Variants in JAKMIP3 observed in about 807,000 individuals in gnomAD.
JAKMIP3 encodes Janus kinase and microtubule interacting protein 3, also known as janus kinase and microtubule-interacting protein 3.
A neutral mutation model predicts 118.5 loss-of-function variants in JAKMIP3; 58 were observed. The ratio of observed to expected loss-of-function variants is 0.49; its 90% CI spans 0.40 to 0.61. JAKMIP3 has a LOEUF of 0.61. Ranked by LOEUF, JAKMIP3 falls within the 20% of genes least tolerant of loss-of-function variation. The pLI is 0.00. For synonymous variants in JAKMIP3, 486 were observed against 451.2 expected (o/e 1.08, Z -0.98); for missense variants, 950 against 1,109.0 (o/e 0.86, Z 2.04).
Position 132,179,374 on chromosome 10 carries a change from C to T in JAKMIP3, c.*1104-2983C>T, listed in dbSNP as rs562533615. Among the ~76,000 whole-genome samples the T allele has an allele frequency of 2.0e-5, 3 of 152,282 alleles. No individual in the cohort carries two copies. The South Asian group carries it at 6.2e-4, about 32-fold the overall frequency. On this transcript the variant is annotated intron_variant, in intron 23 of 23. Transcript: ENST00000684848. This position sits in a 1 kb window ranked among gnomAD's most constrained non-coding sequence, Gnocchi z 4.3. ...CTATGCCTGAGCTCCCCACATCCTA[C>T]CTCTCTCCTGTCACTCGAAGCTCAG... is the stretch of plus-strand genomic sequence containing the variant.
intron 9 of JAKMIP3, among the ~76,000 whole-genome samples, 156 bp downstream of exon 9, chr10:132,138,334 G>C (rs1425175974): frequency 6.9e-6 from 1 of 145,568 alleles, no homozygotes. Flanking sequence ...GCGCCCACGT[G>C]TGTGGAGAGT....
At chr10:132,039,907 GA>G (rs2037667149) in intron 1 of JAKMIP3, among the ~76,000 whole-genome samples, 1 of 152,246 alleles carries the variant, frequency 6.6e-6, no homozygotes, top group African/African-American at 2.4e-5. Context: ...TCTTTGCCAT[GA>G]CACTAAGCAC....
In JAKMIP3 at chr10:132,142,920, G is replaced by A. The variant is rs112522677; in HGVS notation, c.1602+872G>A. Among the ~76,000 whole-genome samples, 474 of 152,164 alleles carry A rather than the reference G, an allele frequency of 3.1e-3. 3 individuals carry two copies. The highest frequency in any genetic ancestry group is 0.011 in the African/African-American group (452 of 41,582). On this transcript the variant is annotated intron_variant, in intron 11 of 23. Coordinates refer to ENST00000684848, the MANE Select transcript of JAKMIP3 (RefSeq NM_001323087.2). ...GCAACTTAGGGTGGCTGAGCTGGGT[G>A]GGGGACGGACCTCTTGGGGCGAGGG...
intron 1 of JAKMIP3, among the ~76,000 whole-genome samples, chr10:132,047,824 C>T (rs1222352233): frequency 6.6e-6 from 1 of 150,994 alleles, no homozygotes; most frequent in Non-Finnish European, 1.5e-5. Context: ...TGTGTGTCCC[C>T]CCACCCCGCC....
intron 21 of JAKMIP3, among the ~76,000 whole-genome samples, chr10:132,166,726 C>T (rs997149966): frequency 6.6e-6 from 1 of 152,132 alleles, no homozygotes; most frequent in Admixed American, 6.5e-5. Flanking sequence ...GGGTGTGGGG[C>T]CCCTGACCAG....
chr10:132,137,375 C>T (rs755583987), intron 8 of JAKMIP3, 86 bp downstream of exon 8: 17 of 1,524,944 alleles, frequency 1.1e-5, no homozygotes, highest in Non-Finnish European at 1.5e-5. Flanking sequence ...GGGCTCCTCA[C>T]AGACCAGACA....
Position 132,153,043 on chromosome 10 carries a change from C to T in JAKMIP3, c.2073+20C>T. ...GAAAAGGTAACAGCAGCTGTGTGGA[C>T]AGTCGGGAGAGGGCCGGGCTCCTGG... On this transcript the variant is annotated intron_variant, in intron 17 of 23. Coordinates refer to ENST00000684848, the MANE Select transcript of JAKMIP3 (RefSeq NM_001323087.2). The T allele has an allele frequency of 1.3e-6, 2 of 1,595,576 alleles. No individual in the cohort carries two copies. The highest frequency in any genetic ancestry group is 1.7e-6 in the Non-Finnish European group (2 of 1,169,610).
chr10:132,106,459 C>A (rs1469750749), intron 2 of JAKMIP3, among the ~76,000 whole-genome samples: 1 of 152,180 alleles, frequency 6.6e-6, no homozygotes, highest in Non-Finnish European at 1.5e-5. Context: ...CCCCGTTCCT[C>A]CCCCTCCTGC....
chr10:132,087,863 G>T (rs12248221), intron 1 of JAKMIP3, among the ~76,000 whole-genome samples: 2,891 of 151,454 alleles, frequency 0.019, 87 homozygotes, highest in African/African-American at 0.066. Context: ...CCCACTCCCC[G>T]CACCCCATGA....
intron 1 of JAKMIP3, among the ~76,000 whole-genome samples, chr10:132,050,201 G>A (rs2038058593): frequency 6.6e-6 from 1 of 152,140 alleles, no homozygotes; most frequent in Non-Finnish European, 1.5e-5. Context: ...CTCTGAGCCG[G>A]GTTTGCCTCT....
In JAKMIP3 at chr10:132,160,083, GGGTCTCTTCCTGTGT is replaced by G. The variant is rs2057902119; in HGVS notation, c.2221-3124_2221-3110del. Among the ~76,000 whole-genome samples the G allele has an allele frequency of 2.5e-3, 18 of 7,134 alleles. 2 individuals are homozygous for G. The highest frequency in any genetic ancestry group is 4.0e-3 in the Non-Finnish European group (17 of 4,302). 4.7% of individuals were successfully genotyped at this position (7,134 alleles called of 152,430 possible). A position where few individuals can be genotyped will look rare whatever the true frequency, so the allele number is the denominator to read the frequency against. On this transcript the variant is annotated intron_variant, in intron 19 of 23. Transcript: ENST00000684848. Reference sequence around the variant, plus strand: ...GGCCTCTTCCTGTGTGATGCTGGGGGGGTCTCTTCCTGTGTGATGCAGGCGGTGGCCTCTTCCTGT... The same window carrying G: ...GGCCTCTTCCTGTGTGATGCTGGGGGGATGCAGGCGGTGGCCTCTTCCTGT...
intron 3 of JAKMIP3, among the ~76,000 whole-genome samples, chr10:132,122,328 T>C (rs1420611993): frequency 6.6e-6 from 1 of 152,152 alleles, no homozygotes; most frequent in Non-Finnish European, 1.5e-5. Flanking sequence ...GGGCCCTGAC[T>C]GCCACCTGCC....
intron 1 of JAKMIP3, among the ~76,000 whole-genome samples, chr10:132,068,131 GGAC>G (rs2039208503): frequency 6.9e-6 from 1 of 145,328 alleles, no homozygotes; most frequent in African/African-American, 2.6e-5. Flanking sequence ...GCTTCCGTGT[GGAC>G]TGGACTGTGG....
chr10:132,180,738 C>T (rs28661278), intron 23 of JAKMIP3, among the ~76,000 whole-genome samples: 2,223 of 7,424 alleles, frequency 0.3, 470 homozygotes, highest in Non-Finnish European at 0.31. Context: ...TGCGTGTGTG[C>T]GTGCGTGCGC....
chr10:132,038,201 G>GA (rs2037580266), intron 1 of JAKMIP3, among the ~76,000 whole-genome samples: 3 of 152,182 alleles, frequency 2.0e-5, no homozygotes, highest in African/African-American at 7.2e-5. Context: ...GATAGCCACT[G>GA]AAATCCAGAT....
Position 132,183,371 on chromosome 10 carries a change from T to G in JAKMIP3, c.*2118T>G, listed in dbSNP as rs2061629588. The G allele has an allele frequency of 6.6e-6, 1 of 152,232 alleles. No homozygotes were observed. 9.4% of individuals were successfully genotyped at this position (152,232 alleles called of 1,614,324 possible). ...GCCAGCTGTTTCGGATCTAAAGATG[T>G]GCAGTGAAACTCACATTCCCAGATT... On this transcript the variant is annotated 3_prime_UTR_variant, in exon 24 of 24. Coordinates refer to ENST00000684848, the MANE Select transcript of JAKMIP3 (RefSeq NM_001323087.2).
chr10:132,091,002 G>A (rs1353508998), intron 1 of JAKMIP3, among the ~76,000 whole-genome samples: 1 of 152,194 alleles, frequency 6.6e-6, no homozygotes, highest in African/African-American at 2.4e-5. Context: ...TGGTTTCAAA[G>A]AACATCTTTA....
Position 132,049,864 on chromosome 10 carries a change from G to C in JAKMIP3, c.-138+13126G>C, listed in dbSNP as rs1158770299. On this transcript the variant is annotated intron_variant, in intron 1 of 23. Transcript: ENST00000657785. The surrounding 1 kb of genome is among the most constrained non-coding windows in gnomAD (Gnocchi z 4.3). ...TTCCATAGTCTTCTGTGACGTTTTT[G>C]TTTTGGCTATTTTTGATATTGGGAT... is the stretch of plus-strand genomic sequence containing the variant. Among the ~76,000 whole-genome samples the C allele has an allele frequency of 6.6e-6, 1 of 152,098 alleles. No individual in the cohort carries two copies. Among genetic ancestry groups the C allele is most frequent in the Non-Finnish European group, 1.5e-5 (1 of 68,008 alleles).
chr10:132,167,864 GCCCTCGCCCCTCGC>G (rs200553685), intron 22 of JAKMIP3, 75 bp from the exon 23 acceptor site: 4 of 847,532 alleles, frequency 4.7e-6, no homozygotes, highest in African/African-American at 3.7e-5. Flanking sequence ...TCACCCCTCG[GCCCTCGCCCCTCGC>G]CCCTCGGCCC....
Sources: gnomAD v4.1 joint callset for allele counts (sites outside exome capture counted in the v4.1 genomes callset) on GRCh38, gnomAD v4.1.1 for gene constraint, Gnocchi (gnomAD v3.1) non-coding constraint, MANE v1.5 for transcripts, NCBI Gene and HGNC (gene_info 2026-07-23, HGNC 2026-07-21) for gene names.